CA2: variants seen among roughly 807,000 people sequenced by gnomAD.
CA2 encodes the protein carbonic anhydrase 2.
CA2 carries 23 observed loss-of-function variants against 27.8 expected under a neutral mutation model. The observed-to-expected ratio is 0.83, with a 90% CI of 0.59 to 1.17. The LOEUF is 1.17. Ranked by LOEUF, CA2 falls within the 50% of genes most tolerant of loss-of-function variation. The probability of loss-of-function intolerance (pLI) is 0.00; values close to 1 mark genes in which losing one functional copy is unlikely to be tolerated. For synonymous variants in CA2, 99 were observed against 114.9 expected, an observed-to-expected ratio of 0.86 and a Z score of 0.88; for missense variants, 300 against 314.7, an observed-to-expected ratio of 0.95 and a Z score of 0.35.
chr8:85,480,586 G>T (rs767368067), intron 6 of CA2, 84 bp from the exon 7 acceptor site: 19 of 1,396,712 alleles, frequency 1.4e-5, no homozygotes, highest in Non-Finnish European at 1.9e-5. Flanking sequence ...CCTGGCCGGG[G>T]AATGTATTTA....
Position 85,465,238 on chromosome 8 carries a change from A to G in CA2, c.35-34A>G, listed in dbSNP as rs765751427. ...TAGGGGTCTGGGTGTACCTTTCCCC[A>G]CAATGGGGGATTCACATGTCTTCTT... On this transcript the variant is annotated intron_variant, in intron 1 of 6. Coordinates refer to ENST00000285379, the MANE Select transcript of CA2 (RefSeq NM_000067.3). 3.2e-6 allele frequency: 5 copies of G among 1,559,024 alleles called. No homozygotes were observed. The South Asian group carries it at 5.6e-5, about 17-fold the overall frequency.
At chr8:85,467,821 T>C (rs1407790187) in intron 2 of CA2, among the ~76,000 whole-genome samples, 1 of 152,200 alleles carries the variant, frequency 6.6e-6, no homozygotes, top group Non-Finnish European at 1.5e-5. Context: ...TTTAAAGAAG[T>C]TGGCCATGTT....
intron 2 of CA2, among the ~76,000 whole-genome samples, chr8:85,472,852 A>T (rs558031759): frequency 1.3e-5 from 2 of 151,780 alleles, no homozygotes; most frequent in African/African-American, 2.4e-5. Context: ...TTAACTGGAC[A>T]TGGTGGTGCA....
At chr8:85,480,443 G>GTTT (rs1213290850) in intron 6 of CA2, among the ~76,000 whole-genome samples, 1 of 88,802 alleles carries the variant, frequency 1.1e-5, no homozygotes, top group Non-Finnish European at 2.4e-5. Context: ...GTGTGTGTGT[G>GTTT]TGTTTTTTTT....
intron 2 of CA2, among the ~76,000 whole-genome samples, chr8:85,469,802 CTGTT>C (rs3070393): frequency 0.63 from 94,918 of 151,498 alleles, 30,255 homozygotes; most frequent in African/African-American, 0.71. Context: ...TTTTTTAAAT[CTGTT>C]TGTTATTTCA....
chr8:85,464,086 C>A lies in CA2; in HGVS notation c.5C>A (p.Ser2Tyr), dbSNP rs1304894123. The change falls in exon 1 of 7, where the codon TCC (serine) becomes TAC (tyrosine). Residue 2 changes from serine (S) to tyrosine (Y), a missense_variant. Ser to Tyr is a moderately radical substitution (Grantham distance 144). Transcript: ENST00000285379. The stretch of plus-strand genomic sequence containing the variant: ...GCCCCGACCGCCAGCGCGACCATGT[C>A]CCATCACTGGGGGTACGGCAAACAC... M[S>Y]HHWGYGKHNG... 1.3e-6 allele frequency: 2 copies of A among 1,549,240 alleles called. No individual in the cohort carries two copies. Among genetic ancestry groups the A allele is most frequent in the Non-Finnish European group, 1.7e-6 (2 of 1,149,858 alleles).
At chr8:85,464,436 T>TG (rs1811588601) in intron 1 of CA2, 1 of 334,064 alleles carries the variant, frequency 3.0e-6, no homozygotes, top group Non-Finnish European at 5.4e-6. Context: ...GGTCCCGACC[T>TG]GGGGATCATT....
At chr8:85,468,363 CTT>C (rs1253795820) in intron 2 of CA2, among the ~76,000 whole-genome samples, 1 of 152,238 alleles carries the variant, frequency 6.6e-6, no homozygotes, top group Non-Finnish European at 1.5e-5. Flanking sequence ...TTTTGCCTCT[CTT>C]TTCCACATTT....
intron 3 of CA2, chr8:85,474,032 A>T: frequency 1.6e-6 from 1 of 607,314 alleles, no homozygotes; most frequent in Non-Finnish European, 2.9e-6. Flanking sequence ...TGCAAAAAGT[A>T]AACGGACTCA....
At chr8:85,466,704 A>T (rs1050492669) in intron 2 of CA2, among the ~76,000 whole-genome samples, 1 of 144,118 alleles carries the variant, frequency 6.9e-6, no homozygotes, top group Non-Finnish European at 1.5e-5. Context: ...ACACACACAC[A>T]CTTACAATCA....
chr8:85,468,258 G>T (rs1343142663), intron 2 of CA2, among the ~76,000 whole-genome samples: 1 of 152,192 alleles, frequency 6.6e-6, no homozygotes, highest in Non-Finnish European at 1.5e-5. Flanking sequence ...AGACTTAAGA[G>T]AGCACAGCAT....
At chr8:85,464,266 G>C in intron 1 of CA2, 151 bp downstream of exon 1, 1 of 607,068 alleles carries the variant, frequency 1.6e-6, no homozygotes, top group Non-Finnish European at 2.6e-6. Context: ...GGTGCGCCCC[G>C]GGCGCTCGCT....
At chr8:85,479,692 G>T (rs1333571095) in intron 6 of CA2, among the ~76,000 whole-genome samples, 2 of 152,148 alleles carry the variant, frequency 1.3e-5, no homozygotes, top group South Asian at 2.1e-4. Context: ...GTGACAAGGG[G>T]TTCTAATGTT....
rs1811891265 is a variant in CA2 at position 85,481,493 on chromosome 8, A to C, written c.*704A>C. On this transcript the variant is annotated 3_prime_UTR_variant, in exon 7 of 7. Coordinates refer to ENST00000285379, the MANE Select transcript of CA2 (RefSeq NM_000067.3). ...ATTCTCTAATAAAATTCAGAATTCT[A>C]TTCTGGGTTATTTATTTATTTATTT... 1 of 152,140 alleles carries C rather than the reference A, an allele frequency of 6.6e-6. No individual in the cohort carries two copies. The highest frequency in any genetic ancestry group is 1.5e-5 in the Non-Finnish European group (1 of 68,042). The allele number at this position is 152,140 out of a possible 1,614,324, so 9.4% of individuals were successfully genotyped here. A position where few individuals can be genotyped will look rare whatever the true frequency, so the allele number is the denominator to read the frequency against.
chr8:85,478,378 A>G (rs941899659), intron 6 of CA2, among the ~76,000 whole-genome samples: 1 of 152,234 alleles, frequency 6.6e-6, no homozygotes, highest in Non-Finnish European at 1.5e-5. Flanking sequence ...ACCTTGTAGT[A>G]ATAACATATT....
chr8:85,476,372 A>T (rs1174009578), intron 5 of CA2, among the ~76,000 whole-genome samples: 1 of 152,180 alleles, frequency 6.6e-6, no homozygotes, highest in Admixed American at 6.5e-5. Flanking sequence ...CTGTTTAAAC[A>T]CTACAGTCAC....
At chr8:85,478,580 A>G (rs2130566553) in intron 6 of CA2, among the ~76,000 whole-genome samples, 1 of 152,380 alleles carries the variant, frequency 6.6e-6, no homozygotes, top group East Asian at 1.9e-4. Flanking sequence ...ACACACCCAC[A>G]GGCAGAAATA....
In CA2 at chr8:85,474,087, T is replaced by C; in HGVS notation, c.352-237T>C. 2 of 608,272 alleles carry C rather than the reference T, an allele frequency of 3.3e-6. 1 individual carries two copies. The highest frequency in any genetic ancestry group is 4.0e-5 in the South Asian group (2 of 49,482). The allele number at this position is 608,272 out of a possible 1,614,324, so 37.7% of individuals were successfully genotyped here. On this transcript the variant is annotated intron_variant, in intron 3 of 6. Coordinates refer to ENST00000285379, the MANE Select transcript of CA2 (RefSeq NM_000067.3). ...AACAGAAATTTAGAAATAAAATGTG[T>C]GCCTTCTGTCAAAACTGTACATTTA...
intron 2 of CA2, chr8:85,473,424 A>T: frequency 1.8e-6 from 1 of 565,680 alleles, no homozygotes; most frequent in Non-Finnish European, 3.3e-6. Context: ...GAAAGATGTG[A>T]AAAACATCCA....
Sources: allele counts gnomAD v4.1 joint callset (sites outside exome capture counted in the v4.1 genomes callset), GRCh38; gene constraint gnomAD v4.1.1; transcripts MANE v1.5; gene names NCBI Gene and HGNC (gene_info 2026-07-23, HGNC 2026-07-21).